Variants in ATP8B3 observed in about 807,000 individuals in gnomAD.
The protein encoded by ATP8B3 is phospholipid-transporting ATPase IK.
Under a neutral mutation model 140.9 loss-of-function variants are expected in ATP8B3, and 141 were observed. The ratio of observed to expected loss-of-function variants is 1.00; its 90% CI spans 0.87 to 1.15. The LOEUF is 1.15. ATP8B3 is among the 50% of genes most tolerant of loss of function. The pLI is 0.00. For missense variants in ATP8B3, 1,874 were observed against 1,740.6 expected (o/e 1.08, Z -1.36); for synonymous variants, 765 against 714.6 (o/e 1.07, Z -1.13).
chr19:1,808,593 G>A (rs1274169375), intron 4 of ATP8B3, among the ~76,000 whole-genome samples: 3 of 149,512 alleles, frequency 2.0e-5, no homozygotes, highest in Non-Finnish European at 2.9e-5. Flanking sequence ...CTGAATGCAA[G>A]GCCTCAGACC....
intron 10 of ATP8B3, among the ~76,000 whole-genome samples, chr19:1,803,443 G>C (rs2068914900): frequency 6.6e-6 from 1 of 152,202 alleles, no homozygotes. Flanking sequence ...CCACCTCTCT[G>C]AACCTCAGTG....
At position 1,809,744 on chromosome 19, in the gene ATP8B3, G is replaced by A. The variant is rs773394682; in HGVS notation, c.311-10C>T. On this transcript the variant is annotated splice_polypyrimidine_tract_variant and intron_variant, in intron 3 of 28. Transcript: ENST00000310127. Reference sequence around the variant, plus strand: ...ACCTTCCAGGTGAATGCTGCAGCGAGAGAGCCGGGCGTCGCTGGAGCTCGA... The same window carrying A: ...ACCTTCCAGGTGAATGCTGCAGCGAAAGAGCCGGGCGTCGCTGGAGCTCGA... 1.1e-5 allele frequency: 18 copies of A among 1,600,670 alleles called. No homozygotes were observed. The East Asian group carries it at 3.6e-4, about 32-fold the overall frequency.
Position 1,806,317 on chromosome 19 carries a change from C to T in ATP8B3, c.678-148G>A. The T allele has an allele frequency of 6.8e-7, 1 of 1,477,782 alleles. No individual in the cohort carries two copies. The highest frequency in any genetic ancestry group is 8.9e-7 in the Non-Finnish European group (1 of 1,118,520). 91.5% of individuals were successfully genotyped at this position (1,477,782 alleles called of 1,614,324 possible). ...CCCTCAGGAAGCCTTCCCCGGGCTC[C>T]CACCCCACTCCCCGCGGGTCCACGC... On this transcript the variant is annotated intron_variant, in intron 7 of 28. Transcript: ENST00000310127. This position sits in a 1 kb window ranked among gnomAD's most constrained non-coding sequence, Gnocchi z 5.6.
Position 1,805,097 on chromosome 19 carries a change from TC to T in ATP8B3, c.904+276del. 2.3e-6 allele frequency: 1 copy of T among 433,724 alleles called. No individual in the cohort carries two copies. The highest frequency in any genetic ancestry group is 5.0e-5 in the East Asian group (1 of 20,154). The allele number at this position is 433,724 out of a possible 1,614,324, so 26.9% of individuals were successfully genotyped here. On this transcript the variant is annotated intron_variant, in intron 10 of 28. Coordinates refer to ENST00000310127, the MANE Select transcript of ATP8B3 (RefSeq NM_138813.4). This position sits in a 1 kb window ranked among gnomAD's most constrained non-coding sequence, Gnocchi z 5.2. ...CTCAAGCGAGCCTCCCACCTCAGCC[TC>T]CCAAGTAGCTGGGACCACCGGCATG...
At position 1,808,378 on chromosome 19, in the gene ATP8B3, C is replaced by T. The variant is rs1349046759; in HGVS notation, c.403-43G>A. On this transcript the variant is annotated intron_variant, in intron 4 of 28. Coordinates refer to ENST00000310127, the MANE Select transcript of ATP8B3 (RefSeq NM_138813.4). ...GGCTGCCTGGCAGAGGGGTGCCATC[C>T]AGGCCAGGGGATGGGGGTGCCCGAG... is the stretch of plus-strand genomic sequence containing the variant. 3 of 1,505,276 alleles carry T rather than the reference C, an allele frequency of 2.0e-6. No individual in the cohort carries two copies. In the Admixed American group the frequency reaches 5.3e-5, roughly 26 times the overall value. 93.2% of individuals were successfully genotyped at this position (1,505,276 alleles called of 1,614,324 possible).
Position 1,806,495 on chromosome 19 carries a change from C to A in ATP8B3, c.677+133G>T, listed in dbSNP as rs192807067. On this transcript the variant is annotated intron_variant, in intron 7 of 28. Transcript: ENST00000310127. This position sits in a 1 kb window ranked among gnomAD's most constrained non-coding sequence, Gnocchi z 5.6. ...GCCAAACGCCTAATGAATGCAGGCCCGGTTCCTGTCGGACTCAACCAGCCG... is the reference window on the plus strand; with the variant it reads ...GCCAAACGCCTAATGAATGCAGGCCAGGTTCCTGTCGGACTCAACCAGCCG... The A allele has an allele frequency of 4.0e-6, 6 of 1,490,326 alleles. No individual in the cohort carries two copies. Among genetic ancestry groups the A allele is most frequent in the Non-Finnish European group, 5.3e-6 (6 of 1,123,190 alleles). The allele number at this position is 1,490,326 out of a possible 1,614,324, so 92.3% of individuals were successfully genotyped here.
At position 1,806,065 on chromosome 19, in the gene ATP8B3, GT is replaced by G. The variant is rs760300151; in HGVS notation, c.750+31del. ...GGTGCTCTCGGTGAGGGGGCGCGTG[GT>G]TCTGGGACCTCGGGGTCAACCCCAG... On this transcript the variant is annotated intron_variant, in intron 8 of 28. Transcript: ENST00000310127. The surrounding 1 kb of genome is among the most constrained non-coding windows in gnomAD (Gnocchi z 5.6). 1 of 1,602,918 alleles carries G rather than the reference GT, an allele frequency of 6.2e-7. No individual in the cohort carries two copies. The highest frequency in any genetic ancestry group is 1.7e-5 in the Admixed American group (1 of 58,358).
rs766472683 is a variant in ATP8B3, at chr19:1,805,302, C to T, written c.904+72G>A. ...CACCTTGTTTTAAAAACAGTAATAA[C>T]AACAACAAAATACCCTAACTTTTAA... On this transcript the variant is annotated intron_variant, in intron 10 of 28. Coordinates refer to ENST00000310127, the MANE Select transcript of ATP8B3 (RefSeq NM_138813.4). The surrounding 1 kb of genome is among the most constrained non-coding windows in gnomAD (Gnocchi z 5.2). 1.4e-6 allele frequency: 2 copies of T among 1,425,868 alleles called. No individual in the cohort carries two copies. Among genetic ancestry groups the T allele is most frequent in the East Asian group, 2.5e-5 (1 of 40,278 alleles). 88.3% of individuals were successfully genotyped at this position (1,425,868 alleles called of 1,614,324 possible). A position where few individuals can be genotyped will look rare whatever the true frequency, so the allele number is the denominator to read the frequency against.
At chr19:1,787,236 A>C in intron 24 of ATP8B3, 50 bp from the exon 25 acceptor site, 1 of 1,496,546 alleles carries the variant, frequency 6.7e-7, no homozygotes, top group Non-Finnish European at 9.2e-7. Context: ...CCAGGCACCC[A>C]AGGAGCCTGC....
In ATP8B3 at chr19:1,808,138, G is replaced by A. The variant is rs190355174; in HGVS notation, c.516+84C>T. ...GGTCCCAGTCTGTGGGGAGTGGGAC[G>A]TGAACCCACCCATCACACAGACAAA... On this transcript the variant is annotated intron_variant, in intron 5 of 28. Coordinates refer to ENST00000310127, the MANE Select transcript of ATP8B3 (RefSeq NM_138813.4). 6.2e-4 allele frequency: 712 copies of A among 1,146,134 alleles called. 8 individuals are homozygous for A. In the East Asian group the frequency reaches 0.017, roughly 27 times the overall value. 71.0% of individuals were successfully genotyped at this position (1,146,134 alleles called of 1,614,324 possible). A position where few individuals can be genotyped will look rare whatever the true frequency, so the allele number is the denominator to read the frequency against.
rs1043178990 is a variant in ATP8B3 at position 1,797,656 on chromosome 19, C to T, written c.1553-651G>A. Among the ~76,000 whole-genome samples, 4 of 151,732 alleles carry T rather than the reference C, an allele frequency of 2.6e-5. No homozygotes were observed. The East Asian group carries it at 5.8e-4, about 22-fold the overall frequency. ...CTGGGATTACAAGCTCATGTCACCA[C>T]GCCTGGCTCATTTTTGTATTTTTAG... On this transcript the variant is annotated intron_variant, in intron 14 of 28. Coordinates refer to ENST00000310127, the MANE Select transcript of ATP8B3 (RefSeq NM_138813.4).
At chr19:1,810,547 A>T (rs922375291) in intron 3 of ATP8B3, 75 bp downstream of exon 3, 1 of 1,432,666 alleles carries the variant, frequency 7.0e-7, no homozygotes, top group Non-Finnish European at 9.5e-7. Flanking sequence ...TACAGGGGAG[A>T]GCCACCACGC....
In ATP8B3 at chr19:1,785,714, G is replaced by T; in HGVS notation, c.3154-6C>A. The T allele has an allele frequency of 6.9e-7, 1 of 1,452,824 alleles. No individual in the cohort carries two copies. Among genetic ancestry groups the T allele is most frequent in the Non-Finnish European group, 9.2e-7 (1 of 1,084,370 alleles). The allele number at this position is 1,452,824 out of a possible 1,614,324, so 90.0% of individuals were successfully genotyped here. On this transcript the variant is annotated splice_polypyrimidine_tract_variant and splice_region_variant and intron_variant, in intron 25 of 28. Transcript: ENST00000310127. ...CTCTGCTCTGCGCTCACGTCCTTGG[G>T]GCAAGCAGAAGCTCTTGGGATTGGG...
In ATP8B3 at chr19:1,795,023, G is replaced by A. The variant is rs567383737; in HGVS notation, c.2055+852C>T. 8.5e-4 allele frequency among the ~76,000 whole-genome samples: 129 copies of A among 152,238 alleles called. 3 individuals are homozygous for A. The South Asian group carries it at 0.025, about 29-fold the overall frequency. On this transcript the variant is annotated intron_variant, in intron 18 of 28. Transcript: ENST00000310127. The stretch of plus-strand genomic sequence containing the variant: ...TGTAATCCCAGCACTTTGAGAGGGC[G>A]AGGCGGGTGGATCACCTGAGGTCAC...
chr19:1,791,662 G>T, intron 20 of ATP8B3, 88 bp downstream of exon 20: 1 of 1,036,314 alleles, frequency 9.6e-7, no homozygotes, highest in East Asian at 2.5e-5. Flanking sequence ...CAAAGTGCTG[G>T]GATGACAGGT....
intron 11 of ATP8B3, among the ~76,000 whole-genome samples, chr19:1,802,280 C>A (rs1480869960): frequency 4.3e-5 from 1 of 23,276 alleles, no homozygotes; most frequent in Admixed American, 4.7e-4. Context: ...CACCCACCCA[C>A]CCACCCATCC....
rs764650985 is a variant in ATP8B3, at chr19:1,802,509, G to C, written c.1041C>G (p.Cys347Trp). The C allele has an allele frequency of 1.3e-6, 2 of 1,481,734 alleles. No homozygotes were observed. The highest frequency in any genetic ancestry group is 1.8e-6 in the Non-Finnish European group (2 of 1,106,302). 91.8% of individuals were successfully genotyped at this position (1,481,734 alleles called of 1,614,324 possible). Residue 347 changes from cysteine (C) to tryptophan (W), a missense_variant, in exon 11 of 29, where the codon TGC (cysteine) becomes TGG (tryptophan). Transcript: ENST00000310127. ...RGCRIRNTDT[C>W]YGLVIYAGFD... ...TACCAGCATAAATGACCAGTCCATA[G>C]CAGGTGTCTGTGTTGCGAATCCTGC...
rs2069048628 is a variant in ATP8B3, at chr19:1,807,118, C to G, written c.615+50G>C. On this transcript the variant is annotated intron_variant, in intron 6 of 28. Coordinates refer to ENST00000310127, the MANE Select transcript of ATP8B3 (RefSeq NM_138813.4). The surrounding 1 kb of genome is among the most constrained non-coding windows in gnomAD (Gnocchi z 5.9). The stretch of plus-strand genomic sequence containing the variant: ...CTCGCCCAGGGATCAAGAGACCCCC[C>G]CGACCGGCCCCGCTCCCTCCCCCAG... 2.0e-6 allele frequency: 3 copies of G among 1,529,988 alleles called. No individual in the cohort carries two copies. Among genetic ancestry groups the G allele is most frequent in the Non-Finnish European group, 2.7e-6 (3 of 1,106,530 alleles). The allele number at this position is 1,529,988 out of a possible 1,614,324, so 94.8% of individuals were successfully genotyped here. A position where few individuals can be genotyped will look rare whatever the true frequency, so the allele number is the denominator to read the frequency against.
Position 1,795,836 on chromosome 19 carries a change from CACACACACACAT to C in ATP8B3, c.2055+27_2055+38del, listed in dbSNP as rs777433620. The C allele has an allele frequency of 1.2e-4, 151 of 1,295,518 alleles. 1 individual carries two copies. The African/African-American group carries it at 1.2e-3, about 11-fold the overall frequency. 80.3% of individuals were successfully genotyped at this position (1,295,518 alleles called of 1,614,324 possible). On this transcript the variant is annotated intron_variant, in intron 18 of 28. Coordinates refer to ENST00000310127, the MANE Select transcript of ATP8B3 (RefSeq NM_138813.4). ...ACACACACACACACACACACACACA[CACACACACACAT>C]AAGCCAGCCTTCCTGAAGGGACTCA...
Sources: allele counts gnomAD v4.1 joint callset (sites outside exome capture counted in the v4.1 genomes callset), GRCh38; gene constraint gnomAD v4.1.1; non-coding constraint Gnocchi (gnomAD v3.1); transcripts MANE v1.5; gene names NCBI Gene and HGNC (gene_info 2026-07-23, HGNC 2026-07-21).